The following MKLN1 variants were observed in gnomAD, a reference collection of about 807,000 sequenced individuals.
MKLN1 encodes muskelin 1, also known as muskelin.
Under a neutral mutation model 99.0 loss-of-function variants are expected in MKLN1, and 18 were observed. The ratio of observed to expected loss-of-function variants is 0.18; its 90% CI spans 0.13 to 0.27. The LOEUF is 0.27. MKLN1 is among the 10% of genes least tolerant of loss of function. The pLI is 1.00. For synonymous variants in MKLN1, 288 were observed against 293.2 expected (o/e 0.98, Z 0.18); for missense variants, 621 against 875.9 (o/e 0.71, Z 3.67).
At chr7:131,193,582 G>T (rs1796599391) in intron 2 of MKLN1, among the ~76,000 whole-genome samples, 1 of 152,024 alleles carries the variant, frequency 6.6e-6, no homozygotes, top group African/African-American at 2.4e-5. Context: ...CACCATATTG[G>T]CCAGGCTGGT....
chr7:131,252,074 C>A (rs914570753), intron 3 of MKLN1, among the ~76,000 whole-genome samples: 3 of 152,082 alleles, frequency 2.0e-5, no homozygotes, highest in Admixed American at 6.6e-5. Context: ...AAGATCAGAA[C>A]CTGAAATCCC....
chr7:131,236,745 G>A (rs11973382), intron 3 of MKLN1, among the ~76,000 whole-genome samples: 53,273 of 151,936 alleles, frequency 0.35, 10,307 homozygotes, highest in Non-Finnish European at 0.44. Context: ...AGTGCTTTGG[G>A]AGGCATAGGT....
intron 11 of MKLN1, among the ~76,000 whole-genome samples, chr7:131,444,378 C>T (rs185846113): frequency 6.6e-5 from 10 of 151,846 alleles, no homozygotes; most frequent in East Asian, 2.0e-4. Context: ...CTGCCTTCTG[C>T]GGTGTTGGGA....
chr7:131,395,841 T>G (rs1794343946), intron 4 of MKLN1, among the ~76,000 whole-genome samples: 1 of 152,064 alleles, frequency 6.6e-6, no homozygotes, highest in South Asian at 2.1e-4. Context: ...TGAGTTTTCC[T>G]ATATAGGAAC....
chr7:131,198,030 T>C (rs1026534310), intron 2 of MKLN1, among the ~76,000 whole-genome samples: 1 of 152,172 alleles, frequency 6.6e-6, no homozygotes, highest in Admixed American at 6.5e-5. Flanking sequence ...TTAAAATTTC[T>C]GTTATTGAGC....
chr7:131,285,547 C>G (rs1248428225), intron 3 of MKLN1, among the ~76,000 whole-genome samples: 1 of 152,214 alleles, frequency 6.6e-6, no homozygotes, highest in African/African-American at 2.4e-5. Context: ...TCTATTTTCC[C>G]TCCTGACAAT....
chr7:131,452,560 T>G lies in MKLN1; in HGVS notation c.1525+6657T>G, dbSNP rs1584758348. 2.2e-5 allele frequency among the ~76,000 whole-genome samples: 3 copies of G among 138,410 alleles called. No individual in the cohort carries two copies. The East Asian group carries it at 6.1e-4, about 28-fold the overall frequency. The allele number at this position is 138,410 out of a possible 152,430, so 90.8% of individuals were successfully genotyped here. Reference sequence around the variant, plus strand: ...CCTTTTATACTTTTTTTTTTTTTTTTTTTTTTTTTGAGATGGAGTCCCGCC... The same window carrying G: ...CCTTTTATACTTTTTTTTTTTTTTTGTTTTTTTTTGAGATGGAGTCCCGCC... On this transcript the variant is annotated intron_variant, in intron 12 of 17. Coordinates refer to ENST00000352689, the MANE Select transcript of MKLN1 (RefSeq NM_013255.5).
intron 8 of MKLN1, among the ~76,000 whole-genome samples, chr7:131,420,354 T>C (rs1004820588): frequency 1.3e-5 from 2 of 151,742 alleles, no homozygotes; most frequent in Non-Finnish European, 2.9e-5. Flanking sequence ...CATATAGAGC[T>C]GACAGGATTT....
chr7:131,387,463 G>A (rs563048503), intron 3 of MKLN1, among the ~76,000 whole-genome samples: 43 of 152,088 alleles, frequency 2.8e-4, no homozygotes, highest in African/African-American at 9.4e-4. Context: ...ACAGACCCTA[G>A]TTAATATTTT....
chr7:131,218,364 G>C (rs944762699), intron 3 of MKLN1, among the ~76,000 whole-genome samples: 3 of 152,176 alleles, frequency 2.0e-5, no homozygotes, highest in African/African-American at 4.8e-5. Context: ...GCAGAATTCA[G>C]ACCTCTGTCA....
chr7:131,157,839 G>A (rs1322795752), intron 2 of MKLN1, among the ~76,000 whole-genome samples: 2 of 152,094 alleles, frequency 1.3e-5, no homozygotes, highest in Admixed American at 6.5e-5. Context: ...AATTAGTTGG[G>A]ATACATTTAC....
intron 3 of MKLN1, among the ~76,000 whole-genome samples, chr7:131,221,554 G>T (rs1256255412): frequency 7.0e-6 from 1 of 142,834 alleles, no homozygotes. Flanking sequence ...CATCACCCAC[G>T]CTGGAGGGCA....
chr7:131,184,944 G>C (rs573193270), intron 2 of MKLN1, among the ~76,000 whole-genome samples: 1 of 152,158 alleles, frequency 6.6e-6, no homozygotes, highest in Non-Finnish European at 1.5e-5. Context: ...AGGCCAACAC[G>C]GATGGATCTA....
intron 1 of MKLN1, among the ~76,000 whole-genome samples, chr7:131,127,106 G>A (rs1292600688): frequency 2.0e-5 from 3 of 151,510 alleles, no homozygotes; most frequent in South Asian, 4.2e-4. Context: ...CGGAGGCTGC[G>A]GTGAGCCGAG....
At chr7:131,124,987 T>G (rs1051921553) in intron 1 of MKLN1, among the ~76,000 whole-genome samples, 3 of 152,236 alleles carry the variant, frequency 2.0e-5, no homozygotes, top group African/African-American at 7.2e-5. Flanking sequence ...AGATCCAAGC[T>G]GGTTTCTGTA....
chr7:131,190,501 T>G (rs1796519245), intron 2 of MKLN1, among the ~76,000 whole-genome samples: 1 of 152,208 alleles, frequency 6.6e-6, no homozygotes, highest in African/African-American at 2.4e-5. Flanking sequence ...GCTGGGAAAT[T>G]TCCATGATGG....
At chr7:131,456,355 A>T (rs531220378) in intron 12 of MKLN1, among the ~76,000 whole-genome samples, 3 of 152,220 alleles carry the variant, frequency 2.0e-5, no homozygotes, top group Non-Finnish European at 4.4e-5. Flanking sequence ...AAACTGACAC[A>T]GGCTGCTGAT....
At chr7:131,275,567 A>ATATATATATT (rs1336398554) in intron 3 of MKLN1, among the ~76,000 whole-genome samples, 1 of 5,620 alleles carries the variant, frequency 1.8e-4, no homozygotes, top group African/African-American at 4.0e-4. Flanking sequence ...ATATATATAT[A>ATATATATATT]TTTTTTTTTT....
intron 3 of MKLN1, chr7:131,310,602 A>G (rs1584905917): frequency 6.6e-6 from 1 of 152,262 alleles, no homozygotes. Flanking sequence ...AACACAGGAC[A>G]GAAATCTTGA....
Sources: gnomAD v4.1 joint callset for allele counts (sites outside exome capture counted in the v4.1 genomes callset) on GRCh38, gnomAD v4.1.1 for gene constraint, MANE v1.5 for transcripts, NCBI Gene and HGNC (gene_info 2026-07-23, HGNC 2026-07-21) for gene names.